Variants in MAN2B2 observed in about 807,000 individuals in gnomAD.
MAN2B2 encodes epididymis-specific alpha-mannosidase.
In MAN2B2, 106 loss-of-function variants were observed where a neutral mutation model predicts 117.1. The ratio of observed to expected loss-of-function variants is 0.90; its 90% confidence interval spans 0.77 to 1.06. The LOEUF is 1.06. Ranked by LOEUF, MAN2B2 falls within the 50% of genes least tolerant of loss-of-function variation. MAN2B2 has a pLI of 0.00. For missense variants in MAN2B2, 1,326 were observed against 1,381.4 expected (o/e 0.96, Z 0.64); for synonymous variants, 544 against 595.1 (o/e 0.91, Z 1.25).
At chr4:6,584,729 G>A (rs749587416) in intron 3 of MAN2B2, among the ~76,000 whole-genome samples, 19 of 152,196 alleles carry the variant, frequency 1.2e-4, no homozygotes, top group Non-Finnish European at 2.6e-4. Flanking sequence ...TCAGCCTGAT[G>A]GCCTCCCAGT....
At position 6,576,727 on chromosome 4, in the gene MAN2B2, A is replaced by T. The variant is rs539598253; in HGVS notation, c.285+3A>T. The T allele has an allele frequency of 1.4e-5, 23 of 1,613,540 alleles. No individual in the cohort carries two copies. The African/African-American group carries it at 2.8e-4, about 20-fold the overall frequency. Reference sequence around the variant, plus strand: ...CCTCGGACCAGCAGAAATACCAGGTAATGAGGTCACCAGGTGACACAGTTG... The same window carrying T: ...CCTCGGACCAGCAGAAATACCAGGTTATGAGGTCACCAGGTGACACAGTTG... On this transcript the variant is annotated splice_donor_region_variant and intron_variant, in intron 2 of 18. Coordinates refer to ENST00000285599, the MANE Select transcript of MAN2B2 (RefSeq NM_015274.3).
At chr4:6,599,525 G>A (rs1221285509) in intron 9 of MAN2B2, among the ~76,000 whole-genome samples, 2 of 152,140 alleles carry the variant, frequency 1.3e-5, no homozygotes, top group Non-Finnish European at 2.9e-5. Flanking sequence ...TGAGCCGGGT[G>A]TGGTGGCGGG....
chr4:6,595,943 C>T (rs1241421201), intron 7 of MAN2B2, among the ~76,000 whole-genome samples: 1 of 152,298 alleles, frequency 6.6e-6, no homozygotes, highest in South Asian at 2.1e-4. Flanking sequence ...GGTGGGGCTG[C>T]ACACACGGGT....
At chr4:6,596,652 G>C (rs6851038) in intron 7 of MAN2B2, among the ~76,000 whole-genome samples, 3,825 of 152,168 alleles carry the variant, frequency 0.025, 177 homozygotes, top group African/African-American at 0.088. Flanking sequence ...CTGCTGAAAC[G>C]CATGCCTGTC....
Position 6,579,393 on chromosome 4 carries a change from C to T in MAN2B2, c.391+895C>T, listed in dbSNP as rs1225048351. Among the ~76,000 whole-genome samples the T allele has an allele frequency of 6.8e-5, 5 of 73,666 alleles. 1 individual carries two copies. The South Asian group carries it at 2.5e-3, about 37-fold the overall frequency. 48.3% of individuals were successfully genotyped at this position (73,666 alleles called of 152,430 possible). On this transcript the variant is annotated intron_variant, in intron 3 of 18. Transcript: ENST00000285599. ...CACCACCACCACCACTACCCTTCAC[C>T]ATCACCACCACCACCATCACCATCA...
chr4:6,618,987 TG>T (rs1167575225), intron 17 of MAN2B2: 2 of 152,272 alleles, frequency 1.3e-5, no homozygotes, highest in Non-Finnish European at 2.9e-5. Flanking sequence ...GAGGCCAGCG[TG>T]GGACCTGGAA....
intron 2 of MAN2B2, 102 bp from the exon 3 acceptor site, chr4:6,578,291 T>G: frequency 1.2e-6 from 1 of 813,588 alleles, no homozygotes; most frequent in Non-Finnish European, 2.0e-6. Flanking sequence ...GGGTGGGGAG[T>G]TTTATGCAGG....
chr4:6,610,127 T>A, intron 13 of MAN2B2, 77 bp downstream of exon 13: 1 of 1,529,178 alleles, frequency 6.5e-7, no homozygotes, highest in Non-Finnish European at 8.9e-7. Context: ...ATTGCAGCAG[T>A]AGAGGCCAGT....
At chr4:6,579,863 A>G (rs1177714230) in intron 3 of MAN2B2, among the ~76,000 whole-genome samples, 1 of 152,162 alleles carries the variant, frequency 6.6e-6, no homozygotes, top group East Asian at 1.9e-4. Flanking sequence ...ACCCCAGCCA[A>G]TCCTAATGGC....
At chr4:6,589,006 T>C (rs1443635274) in intron 4 of MAN2B2, 39 bp from the exon 5 acceptor site, 4 of 1,500,330 alleles carry the variant, frequency 2.7e-6, no homozygotes, top group Admixed American at 3.4e-5. Flanking sequence ...GGGGCAGCCA[T>C]GTGGCCCCTC....
In MAN2B2 at chr4:6,614,375, G is replaced by A. The variant is rs561701789; in HGVS notation, c.2701+20G>A. 62 of 1,610,540 alleles carry A rather than the reference G, an allele frequency of 3.8e-5. 1 individual carries two copies. The East Asian group carries it at 4.0e-4, about 10-fold the overall frequency. ...GGAAAGGTGAGGCAGGTGCCCTGGC[G>A]TCTCAGACCTGCTCCTCCCTCCCTG... On this transcript the variant is annotated intron_variant, in intron 16 of 18. Transcript: ENST00000285599.
At chr4:6,593,138 C>G in intron 5 of MAN2B2, 35 bp from the exon 6 acceptor site, 1 of 1,603,776 alleles carries the variant, frequency 6.2e-7, no homozygotes, top group South Asian at 1.1e-5. Context: ...CCACAGAGTT[C>G]GTGTCTTCTG....
In MAN2B2 at chr4:6,614,365, G is replaced by A. The variant is rs1216719277; in HGVS notation, c.2701+10G>A. On this transcript the variant is annotated intron_variant, in intron 16 of 18. Coordinates refer to ENST00000285599, the MANE Select transcript of MAN2B2 (RefSeq NM_015274.3). ...CAGAATCTCCGGAAAGGTGAGGCAG[G>A]TGCCCTGGCGTCTCAGACCTGCTCC... is the stretch of plus-strand genomic sequence containing the variant. 1 of 1,612,506 alleles carries A rather than the reference G, an allele frequency of 6.2e-7. No homozygotes were observed. Among genetic ancestry groups the A allele is most frequent in the Non-Finnish European group, 8.5e-7 (1 of 1,179,134 alleles).
Position 6,609,155 on chromosome 4 carries a change from C to T in MAN2B2, c.1863C>T (p.His621=), listed in dbSNP as rs780250513. 5.6e-6 allele frequency: 9 copies of T among 1,614,230 alleles called. No homozygotes were observed. Among genetic ancestry groups the T allele is most frequent in the Middle Eastern group, 3.3e-4 (2 of 6,062 alleles). The change falls in exon 12 of 19, where the codon CAC becomes CAT. Residue 621 remains histidine, a synonymous_variant. Transcript: ENST00000285599. ...VRVTQEFLEY[H]VNGDVKQGPI... ...TGACCCAGGAATTCCTGGAGTACCA[C>T]GTCAACGGGGATGTGAAACAGGGCC... is the stretch of plus-strand genomic sequence containing the variant.
At position 6,610,044 on chromosome 4, in the gene MAN2B2, C is replaced by A; in HGVS notation, c.2253C>A (p.Ile751=). The change falls in exon 13 of 19, where the codon ATC becomes ATA. Residue 751 remains isoleucine (I), a synonymous_variant. Transcript: ENST00000285599. ...ACGTTTCCTATGTGAACAACAGCAT[C>A]GCCCGGGTATGTCCTGCAATGCCCA... is the stretch of plus-strand genomic sequence containing the variant. The part of the protein sequence containing the change: ...RPYVSYVNNS[I]ARNYYPMVQS... 3.1e-6 allele frequency: 5 copies of A among 1,614,102 alleles called. No individual in the cohort carries two copies. The highest frequency in any genetic ancestry group is 4.2e-6 in the Non-Finnish European group (5 of 1,179,994).
chr4:6,588,850 G>A lies in MAN2B2; in HGVS notation c.565-195G>A, dbSNP rs6832808. 6.4e-3 allele frequency among the ~76,000 whole-genome samples: 976 copies of A among 152,312 alleles called. 15 individuals are homozygous for A. Among genetic ancestry groups the A allele is most frequent in the African/African-American group, 0.023 (945 of 41,570 alleles). The stretch of plus-strand genomic sequence containing the variant: ...AAGCCTGCATCGAGGAGTGGGTGGG[G>A]TGAATGAGCACTCCTTCCGGAGGGC... On this transcript the variant is annotated intron_variant, in intron 4 of 18. Transcript: ENST00000285599.
chr4:6,608,998 G>GT (rs1727651832), intron 11 of MAN2B2, 109 bp from the exon 12 acceptor site: 1 of 998,098 alleles, frequency 1.0e-6, no homozygotes, highest in Non-Finnish European at 1.5e-6. Flanking sequence ...GGCCTCGTGA[G>GT]TGCTACGCAG....
chr4:6,604,388 C>T (rs1167356422), intron 10 of MAN2B2, among the ~76,000 whole-genome samples: 1 of 147,102 alleles, frequency 6.8e-6, no homozygotes, highest in East Asian at 2.0e-4. Flanking sequence ...AGGCAGAGGC[C>T]ACAGGGAAGG....
intron 10 of MAN2B2, among the ~76,000 whole-genome samples, chr4:6,603,830 A>G (rs147737964): frequency 5.3e-4 from 81 of 152,100 alleles, no homozygotes; most frequent in African/African-American, 1.9e-3. Flanking sequence ...GGCCGCATCA[A>G]TGTGGGATCA....
Sources: gnomAD v4.1 joint callset for allele counts (sites outside exome capture counted in the v4.1 genomes callset) on GRCh38, gnomAD v4.1.1 for gene constraint, MANE v1.5 for transcripts, NCBI Gene and HGNC (gene_info 2026-07-23, HGNC 2026-07-21) for gene names.